TMPRSS11F: variants seen among roughly 807,000 people sequenced by gnomAD.
The protein encoded by TMPRSS11F is transmembrane protease serine 11F.
Under a neutral mutation model 60.2 loss-of-function variants are expected in TMPRSS11F, and 47 were observed. The ratio of observed to expected loss-of-function variants is 0.78; its 90% confidence interval spans 0.62 to 1.00. TMPRSS11F has a LOEUF of 1.00. Ranked by LOEUF, TMPRSS11F falls within the 50% of genes least tolerant of loss-of-function variation. TMPRSS11F has a pLI of 0.00. For missense variants in TMPRSS11F, 519 were observed against 522.9 expected, an observed-to-expected ratio of 0.99 and a Z score of 0.07; for synonymous variants, 166 against 167.3, an observed-to-expected ratio of 0.99 and a Z score of 0.06.
chr4:68,097,408 A>G (rs1319517132), intron 2 of TMPRSS11F, among the ~76,000 whole-genome samples: 2 of 151,984 alleles, frequency 1.3e-5, no homozygotes, highest in Non-Finnish European at 2.9e-5. Context: ...ACATCCTCCC[A>G]TTCTCCTCTT....
Position 68,068,534 on chromosome 4 carries a change from A to T in TMPRSS11F, c.755+84T>A, listed in dbSNP as rs1079449. The T allele has an allele frequency of 7.2e-4, 858 of 1,197,210 alleles. 6 individuals carry two copies. In the African/African-American group the frequency reaches 0.011, roughly 16 times the overall value. The allele number at this position is 1,197,210 out of a possible 1,614,324, so 74.2% of individuals were successfully genotyped here. ...CTGAATGGAGCAAAGGTTAAACTGG[A>T]GAGACTGGACTCTTCTGATGCGCTA... On this transcript the variant is annotated intron_variant, in intron 7 of 9. Coordinates refer to ENST00000356291, the MANE Select transcript of TMPRSS11F (RefSeq NM_207407.2).
intron 1 of TMPRSS11F, among the ~76,000 whole-genome samples, chr4:68,116,829 A>C (rs1000946139): frequency 2.0e-5 from 3 of 152,234 alleles, no homozygotes; most frequent in African/African-American, 7.2e-5. Context: ...CACACCTTTC[A>C]TAAAAATCAA....
At chr4:68,112,828 T>C (rs1264573019) in intron 1 of TMPRSS11F, among the ~76,000 whole-genome samples, 1 of 152,152 alleles carries the variant, frequency 6.6e-6, no homozygotes, top group Non-Finnish European at 1.5e-5. Context: ...TTATACCTTC[T>C]CTTAGTTTAT....
chr4:68,099,658 TG>T (rs988992313), intron 1 of TMPRSS11F, among the ~76,000 whole-genome samples: 14 of 152,206 alleles, frequency 9.2e-5, no homozygotes, highest in African/African-American at 3.4e-4. Context: ...GATTCAATAT[TG>T]TGATATCTTT....
chr4:68,076,859 T>C (rs1404387880), intron 3 of TMPRSS11F, among the ~76,000 whole-genome samples: 1 of 152,016 alleles, frequency 6.6e-6, no homozygotes, highest in East Asian at 1.9e-4. Context: ...CAAAGGGAAA[T>C]AATATCGTTG....
rs766130577 is a variant in TMPRSS11F at position 68,090,727 on chromosome 4, G to A, written c.164-86C>T. On this transcript the variant is annotated intron_variant, in intron 2 of 9. Coordinates refer to ENST00000356291, the MANE Select transcript of TMPRSS11F (RefSeq NM_207407.2). Reference sequence around the variant, plus strand: ...CGTCTTGCCCACACCTGCTAAATAGGCTACAATAATGCAGTTTATTTCTAC... The same window carrying A: ...CGTCTTGCCCACACCTGCTAAATAGACTACAATAATGCAGTTTATTTCTAC... 2.6e-6 allele frequency: 4 copies of A among 1,510,166 alleles called. No individual in the cohort carries two copies. In the South Asian group the frequency reaches 5.0e-5, roughly 19 times the overall value. The allele number at this position is 1,510,166 out of a possible 1,614,324, so 93.5% of individuals were successfully genotyped here. A position where few individuals can be genotyped will look rare whatever the true frequency, so the allele number is the denominator to read the frequency against.
At chr4:68,097,006 A>G (rs977593475) in intron 2 of TMPRSS11F, among the ~76,000 whole-genome samples, 1 of 152,146 alleles carries the variant, frequency 6.6e-6, no homozygotes, top group Non-Finnish European at 1.5e-5. Context: ...GCATCATCTT[A>G]TATACCTCTA....
chr4:68,079,862 C>T (rs956258407), intron 3 of TMPRSS11F, among the ~76,000 whole-genome samples: 3 of 152,184 alleles, frequency 2.0e-5, no homozygotes, highest in Non-Finnish European at 4.4e-5. Context: ...ATGGCTCTAA[C>T]TAATTAGCTT....
At chr4:68,089,287 A>AGGGCATATCTTACTGTACTTGT (rs1359731997) in intron 3 of TMPRSS11F, among the ~76,000 whole-genome samples, 1 of 152,152 alleles carries the variant, frequency 6.6e-6, no homozygotes, top group African/African-American at 2.4e-5. Context: ...AAGGTACTTG[A>AGGGCATATCTTACTGTACTTGT]GGGCATATCT....
chr4:68,122,509 A>G (rs995592952), intron 1 of TMPRSS11F, among the ~76,000 whole-genome samples: 2 of 152,204 alleles, frequency 1.3e-5, no homozygotes, highest in African/African-American at 2.4e-5. Flanking sequence ...ATTGTCTCCT[A>G]TGCAGTTAAA....
At position 68,098,984 on chromosome 4, in the gene TMPRSS11F, C is replaced by G. The variant is rs1437987110; in HGVS notation, c.66G>C (p.Gln22His). The G allele has an allele frequency of 1.9e-6, 3 of 1,613,232 alleles. No individual in the cohort carries two copies. The highest frequency in any genetic ancestry group is 2.2e-5 in the South Asian group (2 of 91,006). Residue 22 changes from glutamine to histidine, a missense_variant, in exon 2 of 10, where the codon CAG (glutamine) becomes CAC (histidine). Transcript: ENST00000356291. ...EFSRAEYQRK[Q>H]QFWDSVRLAL... Reference sequence around the variant, plus strand: ...CTAGCCGTACTGAGTCCCAAAATTGCTGCTTTCTTTGATATTCAGCTCGTG... The same window carrying G: ...CTAGCCGTACTGAGTCCCAAAATTGGTGCTTTCTTTGATATTCAGCTCGTG...
In TMPRSS11F at chr4:68,082,298, C is replaced by A. The variant is rs960727631; in HGVS notation, c.282+8225G>T. Among the ~76,000 whole-genome samples, 3 of 152,282 alleles carry A rather than the reference C, an allele frequency of 2.0e-5. No homozygotes were observed. In the East Asian group the frequency reaches 5.8e-4, roughly 29 times the overall value. On this transcript the variant is annotated intron_variant, in intron 3 of 9. Transcript: ENST00000356291. ...TACTTGAATTGGCAGGGGGATCTGC[C>A]TCGAGAGTAGGCAGAGAGAGCTCCT...
intron 5 of TMPRSS11F, 47 bp from the exon 6 acceptor site, chr4:68,070,054 A>G: frequency 8.5e-6 from 13 of 1,532,962 alleles, no homozygotes; most frequent in Non-Finnish European, 1.1e-5. Context: ...ATATATTCCC[A>G]TTTTCATGTT....
chr4:68,063,472 A>G lies in TMPRSS11F; in HGVS notation c.1015+1213T>C, dbSNP rs184878334. On this transcript the variant is annotated intron_variant, in intron 8 of 9. Coordinates refer to ENST00000356291, the MANE Select transcript of TMPRSS11F (RefSeq NM_207407.2). ...GCTCACTGTAACCTCCACCTCCCAG[A>G]GTCAAGCAATTCTCCTGCCTCAGCC... 5.1e-3 allele frequency among the ~76,000 whole-genome samples: 773 copies of G among 151,928 alleles called. 9 individuals are homozygous for G. Among genetic ancestry groups the G allele is most frequent in the African/African-American group, 0.018 (752 of 41,442 alleles).
intron 9 of TMPRSS11F, among the ~76,000 whole-genome samples, chr4:68,057,106 G>A (rs764202530): frequency 2.0e-4 from 31 of 151,982 alleles, no homozygotes; most frequent in Non-Finnish European, 2.8e-4. Context: ...CCAACATGGA[G>A]AAACCTCATC....
intron 1 of TMPRSS11F, among the ~76,000 whole-genome samples, chr4:68,110,030 T>A (rs1724382175): frequency 6.6e-6 from 1 of 152,232 alleles, no homozygotes; most frequent in Non-Finnish European, 1.5e-5. Context: ...GGGGAAATTC[T>A]TTTTATGTCT....
At chr4:68,069,124 T>C (rs1468301803) in intron 6 of TMPRSS11F, among the ~76,000 whole-genome samples, 1 of 152,194 alleles carries the variant, frequency 6.6e-6, no homozygotes, top group African/African-American at 2.4e-5. Flanking sequence ...GATGTATTTA[T>C]AGAAACATAC....
intron 1 of TMPRSS11F, among the ~76,000 whole-genome samples, chr4:68,128,107 T>C (rs1479093228): frequency 1.3e-5 from 2 of 152,154 alleles, no homozygotes; most frequent in Non-Finnish European, 1.5e-5. Context: ...ACAGGGCTTT[T>C]GCTAAGAGGC....
intron 1 of TMPRSS11F, among the ~76,000 whole-genome samples, chr4:68,100,329 T>C (rs1355767672): frequency 6.6e-6 from 1 of 152,018 alleles, no homozygotes; most frequent in Non-Finnish European, 1.5e-5. Context: ...AAAATTTTAA[T>C]TAGATTGAAG....
Sources: gnomAD v4.1 joint callset for allele counts (sites outside exome capture counted in the v4.1 genomes callset) on GRCh38, gnomAD v4.1.1 for gene constraint, MANE v1.5 for transcripts, NCBI Gene and HGNC (gene_info 2026-07-23, HGNC 2026-07-21) for gene names.